The following FSTL5 variants were observed in gnomAD, a reference collection of about 807,000 sequenced individuals.
FSTL5 encodes follistatin-related protein 5.
In FSTL5, 62 loss-of-function variants were observed where a neutral mutation model predicts 89.1. The observed-to-expected ratio is 0.70, with a 90% CI of 0.57 to 0.86. FSTL5 has a LOEUF of 0.86. Among genes scored for constraint, FSTL5 ranks in the 40% least tolerant of loss-of-function variants. The pLI, the probability that FSTL5 is intolerant of heterozygous loss-of-function variation, is 0.00. For missense variants in FSTL5, 1,057 were observed against 1,001.6 expected (o/e 1.06, Z -0.75); for synonymous variants, 383 against 346.2 (o/e 1.11, Z -1.18).
At chr4:161,894,344 C>A (rs1472674935) in intron 4 of FSTL5, among the ~76,000 whole-genome samples, 3 of 152,118 alleles carry the variant, frequency 2.0e-5, no homozygotes, top group African/African-American at 7.2e-5. Flanking sequence ...CTCACATGAC[C>A]TACAGAATCA....
intron 4 of FSTL5, among the ~76,000 whole-genome samples, chr4:161,786,004 TCATTCTCTTTGACCAAACAAAAGATAATA>T (rs1197417861): frequency 2.0e-5 from 3 of 152,080 alleles, no homozygotes; most frequent in East Asian, 3.9e-4. Flanking sequence ...CCTTTTACAT[TCATTCTCTTTGACCAAACAAAAGATAATA>T]CATTCTCTTT....
At position 161,759,413 on chromosome 4, in the gene FSTL5, A is replaced by G. The variant is rs760940542; in HGVS notation, c.725T>C (p.Phe242Ser). The G allele has an allele frequency of 1.9e-6, 3 of 1,584,928 alleles. No individual in the cohort carries two copies. Among genetic ancestry groups the G allele is most frequent in the Non-Finnish European group, 2.6e-6 (3 of 1,168,748 alleles). The stretch of plus-strand genomic sequence containing the variant: ...TGGAGAATGAATCTTGTACTCACGG[A>G]ATGCTCTATAAAATTCTTCAAGAGC... ...HLALEEFYRA[F>S]QVIQLSLPED... The change falls in exon 6 of 16, where the codon TTC becomes TCC. Residue 242 changes from phenylalanine (F) to serine (S), a missense_variant and splice_region_variant. Physicochemically the swap from Phe to Ser is radical, Grantham distance 155 (BLOSUM62 -2). This residue lies in a region of FSTL5 where 980 missense variants were observed against 903.2 expected (regional missense o/e 1.08). Transcript: ENST00000306100.
At chr4:162,098,495 C>T (rs1730858313) in intron 2 of FSTL5, among the ~76,000 whole-genome samples, 1 of 151,942 alleles carries the variant, frequency 6.6e-6, no homozygotes. Context: ...TATTGGGATG[C>T]AATGAGTTAA....
chr4:161,579,359 T>G (rs1733344802), intron 8 of FSTL5, among the ~76,000 whole-genome samples: 1 of 152,094 alleles, frequency 6.6e-6, no homozygotes, highest in Admixed American at 6.6e-5. Context: ...GTAGTAGAGA[T>G]AAAATGGAAT....
chr4:161,665,210 T>C (rs1221752285), intron 6 of FSTL5, among the ~76,000 whole-genome samples: 1 of 152,200 alleles, frequency 6.6e-6, no homozygotes, highest in Admixed American at 6.5e-5. Context: ...TTTTTGTTTT[T>C]TAAAGAATAT....
chr4:162,019,311 A>T (rs1213617885), intron 3 of FSTL5, among the ~76,000 whole-genome samples: 1 of 152,100 alleles, frequency 6.6e-6, no homozygotes, highest in African/African-American at 2.4e-5. Flanking sequence ...TTTTCAATTC[A>T]TTATGAAAAT....
intron 11 of FSTL5, 57 bp downstream of exon 11, chr4:161,510,340 CA>C (rs879867637): frequency 2.2e-5 from 23 of 1,039,930 alleles, no homozygotes; most frequent in Non-Finnish European, 3.0e-5. Flanking sequence ...ATATAATCAA[CA>C]AATCTAATAA....
intron 7 of FSTL5, among the ~76,000 whole-genome samples, chr4:161,637,539 A>G (rs1011805940): frequency 2.0e-5 from 3 of 151,348 alleles, no homozygotes; most frequent in Non-Finnish European, 2.9e-5. Flanking sequence ...GTCCTTGCCC[A>G]TGCCTATCTC....
chr4:161,391,586 C>G (rs1292048186), intron 15 of FSTL5, among the ~76,000 whole-genome samples: 2 of 152,058 alleles, frequency 1.3e-5, no homozygotes. Flanking sequence ...TTTCTATTAT[C>G]CCACACCAAC....
intron 15 of FSTL5, among the ~76,000 whole-genome samples, chr4:161,393,696 C>A (rs374428389): frequency 6.6e-6 from 1 of 152,006 alleles, no homozygotes; most frequent in African/African-American, 2.4e-5. Flanking sequence ...AAGGGTAATG[C>A]GGTAATATGA....
chr4:161,695,832 T>G (rs1404523093), intron 6 of FSTL5, among the ~76,000 whole-genome samples: 1 of 152,144 alleles, frequency 6.6e-6, no homozygotes, highest in Non-Finnish European at 1.5e-5. Flanking sequence ...TCGATTTGTT[T>G]GAGTTCCTTA....
rs568394972 is a variant in FSTL5 at position 161,765,088 on chromosome 4, T to C, written c.607-5557A>G. On this transcript the variant is annotated intron_variant, in intron 5 of 15. Coordinates refer to ENST00000306100, the MANE Select transcript of FSTL5 (RefSeq NM_020116.5). ...ATGGCAGGGAAATTGCCAACACTACTAAGATCCACCCACTGGCATTGACAA... is the reference window on the plus strand; with the variant it reads ...ATGGCAGGGAAATTGCCAACACTACCAAGATCCACCCACTGGCATTGACAA... Among the ~76,000 whole-genome samples, 7 of 152,316 alleles carry C rather than the reference T, an allele frequency of 4.6e-5. 1 individual carries two copies. The East Asian group carries it at 1.4e-3, about 29-fold the overall frequency.
In FSTL5 at chr4:161,602,253, A is replaced by AAGAGAGAGAGAGAGAG. The variant is rs58991875; in HGVS notation, c.895-14694_895-14679dup. Among the ~76,000 whole-genome samples, 39 of 122,796 alleles carry AAGAGAGAGAGAGAGAG rather than the reference A, an allele frequency of 3.2e-4. 1 individual carries two copies. The highest frequency in any genetic ancestry group is 1.3e-3 in the African/African-American group (39 of 30,884). The allele number at this position is 122,796 out of a possible 152,430, so 80.6% of individuals were successfully genotyped here. ...TGAGAGAGTGAGAGAGAGGGAGAGA[A>AAGAGAGAGAGAGAGAG]AGAGAGAGAGAGAGAGAGAGAGAGA... On this transcript the variant is annotated intron_variant, in intron 7 of 15. Coordinates refer to ENST00000306100, the MANE Select transcript of FSTL5 (RefSeq NM_020116.5).
chr4:161,466,957 G>A (rs1324754147), intron 13 of FSTL5, among the ~76,000 whole-genome samples: 1 of 151,776 alleles, frequency 6.6e-6, no homozygotes, highest in Non-Finnish European at 1.5e-5. Flanking sequence ...TTTAAAAAAT[G>A]TTTAGTTCCA....
chr4:161,475,682 A>G (rs1265185898), intron 13 of FSTL5, among the ~76,000 whole-genome samples: 1 of 151,686 alleles, frequency 6.6e-6, no homozygotes, highest in African/African-American at 2.4e-5. Context: ...CATCTTTAAG[A>G]TAGTTATTTT....
In FSTL5 at chr4:161,384,668, A is replaced by T. The variant is rs937754971; in HGVS notation, c.*1079T>A. On this transcript the variant is annotated 3_prime_UTR_variant, in exon 16 of 16. Coordinates refer to ENST00000306100, the MANE Select transcript of FSTL5 (RefSeq NM_020116.5). ...AATAGCAAAAACAATGGAGTACTAC[A>T]TTTTTACTTACCACTGTCGGGCTAC... 2.6e-5 allele frequency: 4 copies of T among 152,210 alleles called. No homozygotes were observed. Among genetic ancestry groups the T allele is most frequent in the African/African-American group, 9.6e-5 (4 of 41,546 alleles). 9.4% of individuals were successfully genotyped at this position (152,210 alleles called of 1,614,324 possible). A position where few individuals can be genotyped will look rare whatever the true frequency, so the allele number is the denominator to read the frequency against.
intron 2 of FSTL5, among the ~76,000 whole-genome samples, chr4:162,102,444 G>C (rs1251311880): frequency 1.3e-5 from 2 of 150,764 alleles, no homozygotes; most frequent in Non-Finnish European, 3.0e-5. Context: ...AGCTTGTCAG[G>C]AGTCCAGATC....
chr4:161,629,082 C>T (rs1006848905), intron 7 of FSTL5, among the ~76,000 whole-genome samples: 1 of 152,086 alleles, frequency 6.6e-6, no homozygotes, highest in Non-Finnish European at 1.5e-5. Context: ...TTATTTAAAA[C>T]TAAGTTTGCT....
intron 3 of FSTL5, among the ~76,000 whole-genome samples, chr4:161,985,790 T>C (rs1735947587): frequency 6.6e-6 from 1 of 152,010 alleles, no homozygotes; most frequent in South Asian, 2.1e-4. Context: ...AACATTTACA[T>C]ACATATATAT....
Sources: allele counts gnomAD v4.1 joint callset (sites outside exome capture counted in the v4.1 genomes callset), GRCh38; gene constraint gnomAD v4.1.1; regional missense constraint gnomAD v4.1.1; transcripts MANE v1.5; gene names NCBI Gene and HGNC (gene_info 2026-07-23, HGNC 2026-07-21).